NEDD4L: variants seen among roughly 807,000 people sequenced by gnomAD.
NEDD4L encodes the protein E3 ubiquitin-protein ligase NEDD4-like.
A neutral mutation model predicts 148.9 loss-of-function variants in NEDD4L; 54 were observed. That is an observed-to-expected ratio of 0.36 (90% CI 0.29 to 0.45). The LOEUF (loss-of-function observed/expected upper bound fraction) is 0.45, where lower values mean the gene tolerates loss of function less well. NEDD4L is among the 20% of genes least tolerant of loss of function. The pLI is 1.00. For synonymous variants in NEDD4L, 433 were observed against 440.7 expected (o/e 0.98, Z 0.22); for missense variants, 856 against 1,233.8 (o/e 0.69, Z 4.59).
intron 2 of NEDD4L, among the ~76,000 whole-genome samples, chr18:58,185,771 G>C (rs542838887): frequency 3.9e-5 from 6 of 152,234 alleles, no homozygotes; most frequent in African/African-American, 1.4e-4. Context: ...TACTCGGGAG[G>C]CTGAGGCAGG....
intron 2 of NEDD4L, among the ~76,000 whole-genome samples, chr18:58,237,160 C>G (rs996100450): frequency 2.0e-5 from 3 of 152,146 alleles, no homozygotes; most frequent in Non-Finnish European, 4.4e-5. Flanking sequence ...TTTGGTTCCT[C>G]TGGAGGAGGG....
chr18:58,316,083 A>C, intron 6 of NEDD4L, 51 bp downstream of exon 6: 1 of 1,450,124 alleles, frequency 6.9e-7, no homozygotes, highest in Non-Finnish European at 9.7e-7. Flanking sequence ...GGGGTTTCTA[A>C]TTGTTTGTAG....
intron 1 of NEDD4L, among the ~76,000 whole-genome samples, chr18:58,141,197 A>G (rs2033460534): frequency 6.6e-6 from 1 of 152,156 alleles, no homozygotes. Flanking sequence ...CTCCCTCCTT[A>G]CTGGTGTTGG....
At chr18:58,270,141 T>C (rs1256447314) in intron 5 of NEDD4L, among the ~76,000 whole-genome samples, 1 of 152,276 alleles carries the variant, frequency 6.6e-6, no homozygotes, top group Non-Finnish European at 1.5e-5. Context: ...GCTGTAAATA[T>C]TAACTGAGTG....
intron 1 of NEDD4L, among the ~76,000 whole-genome samples, chr18:58,051,227 C>A (rs1037313927): frequency 6.6e-6 from 1 of 152,148 alleles, no homozygotes; most frequent in African/African-American, 2.4e-5. Context: ...CACTGCACTC[C>A]AGCCTGGGTG....
intron 25 of NEDD4L, among the ~76,000 whole-genome samples, chr18:58,384,169 C>G (rs1434392738): frequency 1.3e-5 from 2 of 152,204 alleles, no homozygotes; most frequent in Non-Finnish European, 2.9e-5. Context: ...TCAGACAGCT[C>G]TTGCATTGAC....
chr18:58,303,558 G>T (rs1189948015), intron 5 of NEDD4L, among the ~76,000 whole-genome samples: 3 of 152,156 alleles, frequency 2.0e-5, no homozygotes, highest in Non-Finnish European at 4.4e-5. Flanking sequence ...GCTTCTTGGG[G>T]ATTTCCCTGG....
chr18:58,051,269 G>A (rs2081856266), intron 1 of NEDD4L, among the ~76,000 whole-genome samples: 1 of 152,098 alleles, frequency 6.6e-6, no homozygotes, highest in African/African-American at 2.4e-5. Flanking sequence ...GAAAACAAAG[G>A]CAAACAAACA....
At chr18:58,148,446 G>A (rs547446510) in intron 1 of NEDD4L, among the ~76,000 whole-genome samples, 7 of 152,160 alleles carry the variant, frequency 4.6e-5, no homozygotes, top group Non-Finnish European at 7.3e-5. Context: ...GATTACAGAC[G>A]TGAGCCACTT....
intron 2 of NEDD4L, chr18:58,197,739 C>A (rs553250644): frequency 6.6e-6 from 1 of 152,332 alleles, no homozygotes; most frequent in African/African-American, 2.4e-5. Flanking sequence ...TTTATGTGCT[C>A]TCTTTGCCTT....
intron 1 of NEDD4L, among the ~76,000 whole-genome samples, chr18:58,118,319 G>A (rs560978320): frequency 5.4e-4 from 82 of 152,348 alleles, no homozygotes; most frequent in African/African-American, 1.8e-3. Context: ...TGTGACGTGA[G>A]GCTGTGGATG....
At chr18:58,214,957 A>G (rs953824023) in intron 2 of NEDD4L, among the ~76,000 whole-genome samples, 1 of 151,778 alleles carries the variant, frequency 6.6e-6, no homozygotes, top group Non-Finnish European at 1.5e-5. Flanking sequence ...GACTATAGGC[A>G]TGCACCACCA....
intron 5 of NEDD4L, among the ~76,000 whole-genome samples, chr18:58,294,681 C>CT (rs11399897): frequency 0.1 from 14,885 of 147,212 alleles, 2,209 homozygotes; most frequent in African/African-American, 0.33. Flanking sequence ...CTGTTTTTGT[C>CT]TTTTTTTTTT....
At chr18:58,046,151 T>C (rs2081573139) in intron 1 of NEDD4L, 4 of 152,230 alleles carry the variant, frequency 2.6e-5, no homozygotes, top group Admixed American at 2.6e-4. Flanking sequence ...AATGTGTGAT[T>C]TGTGTGTTTA....
chr18:58,361,619 C>A (rs556519511), intron 19 of NEDD4L, among the ~76,000 whole-genome samples: 1 of 152,290 alleles, frequency 6.6e-6, no homozygotes, highest in East Asian at 1.9e-4. Flanking sequence ...TCACTGATGT[C>A]CCCGTGCCGG....
intron 1 of NEDD4L, among the ~76,000 whole-genome samples, chr18:58,120,959 TTAGG>T (rs2086205842): frequency 6.6e-6 from 1 of 151,918 alleles, no homozygotes; most frequent in Non-Finnish European, 1.5e-5. Flanking sequence ...AGATATGGAC[TTAGG>T]TAGGTTTTTA....
intron 2 of NEDD4L, among the ~76,000 whole-genome samples, chr18:58,180,317 G>C (rs886863682): frequency 2.0e-5 from 3 of 152,094 alleles, no homozygotes; most frequent in Non-Finnish European, 4.4e-5. Flanking sequence ...TGTGACCCGG[G>C]TGCACAGTCC....
At chr18:58,322,779 A>G (rs1347748872) in intron 7 of NEDD4L, among the ~76,000 whole-genome samples, 5 of 84,602 alleles carry the variant, frequency 5.9e-5, no homozygotes, top group Admixed American at 2.9e-4. Flanking sequence ...TGCTGTGGAT[A>G]TGGGTGGGTG....
intron 2 of NEDD4L, chr18:58,195,452 C>T (rs775773624): frequency 9.1e-6 from 12 of 1,322,726 alleles, no homozygotes; most frequent in Non-Finnish European, 1.2e-5. Flanking sequence ...TCCGCGGCAG[C>T]AGCTTCCAAC....
Sources: gnomAD v4.1 joint callset for allele counts (sites outside exome capture counted in the v4.1 genomes callset) on GRCh38, gnomAD v4.1.1 for gene constraint, MANE v1.5 for transcripts, NCBI Gene and HGNC (gene_info 2026-07-23, HGNC 2026-07-21) for gene names.